COL13A1: variants seen among roughly 807,000 people sequenced by gnomAD.
COL13A1 encodes collagen type XIII alpha 1 chain.
A neutral mutation model predicts 130.9 loss-of-function variants in COL13A1; 89 were observed. The observed-to-expected ratio is 0.68, with a 90% CI of 0.57 to 0.81. The LOEUF (loss-of-function observed/expected upper bound fraction) is 0.81. Ranked by LOEUF, COL13A1 falls within the 30% of genes least tolerant of loss-of-function variation. COL13A1 has a pLI of 0.00. For missense variants in COL13A1, 879 were observed against 934.6 expected, an observed-to-expected ratio of 0.94 and a Z score of 0.78; for synonymous variants, 402 against 341.6, an observed-to-expected ratio of 1.18 and a Z score of -1.95.
At chr10:69,902,436 G>A (rs1055181503) in intron 14 of COL13A1, among the ~76,000 whole-genome samples, 1 of 152,144 alleles carries the variant, frequency 6.6e-6, no homozygotes, top group African/African-American at 2.4e-5. Context: ...GCCTTTGGTT[G>A]GGCCAGGGGC....
At chr10:69,877,856 G>A (rs1213239335) in intron 5 of COL13A1, among the ~76,000 whole-genome samples, 183 bp from the exon 6 acceptor site, 1 of 152,108 alleles carries the variant, frequency 6.6e-6, no homozygotes, top group Non-Finnish European at 1.5e-5. Context: ...GTGCTTGTTG[G>A]ACGTGGACCT....
intron 2 of COL13A1, among the ~76,000 whole-genome samples, chr10:69,830,089 A>G (rs144408160): frequency 1.4e-3 from 219 of 152,336 alleles, no homozygotes; most frequent in African/African-American, 4.8e-3. Flanking sequence ...CAGACCTTGA[A>G]GGACTCTGAG....
intron 3 of COL13A1, among the ~76,000 whole-genome samples, chr10:69,870,387 A>G (rs1467504288): frequency 1.3e-5 from 2 of 151,682 alleles, no homozygotes; most frequent in African/African-American, 4.8e-5. Flanking sequence ...ATCAAAGCTC[A>G]CTGAAGCCTC....
intron 2 of COL13A1, among the ~76,000 whole-genome samples, chr10:69,836,893 G>GTGGA (rs1850221355): frequency 6.6e-6 from 1 of 151,948 alleles, no homozygotes; most frequent in Non-Finnish European, 1.5e-5. Context: ...GGGGGTATAA[G>GTGGA]TGGATGCCAG....
intron 1 of COL13A1, among the ~76,000 whole-genome samples, chr10:69,813,566 G>T (rs1462325931): frequency 1.3e-5 from 2 of 152,140 alleles, no homozygotes; most frequent in African/African-American, 2.4e-5. Context: ...GTGATCAGGT[G>T]CCAAGTCCAC....
In COL13A1 at chr10:69,854,660, T is replaced by C. The variant is rs548874597; in HGVS notation, c.365-13138T>C. ...ATGAAAATTCTTTCACTTGCAGTTG[T>C]ACTGAGACCTGCCAAGGATGCCAAG... On this transcript the variant is annotated intron_variant, in intron 2 of 40. Coordinates refer to ENST00000645393, the MANE Select transcript of COL13A1 (RefSeq NM_001368882.1). Among the ~76,000 whole-genome samples, 7 of 152,158 alleles carry C rather than the reference T, an allele frequency of 4.6e-5. No homozygotes were observed. In the East Asian group the frequency reaches 1.4e-3, roughly 29 times the overall value.
At chr10:69,817,920 A>T (rs1845019155) in intron 1 of COL13A1, among the ~76,000 whole-genome samples, 1 of 151,864 alleles carries the variant, frequency 6.6e-6, no homozygotes. Context: ...GAGATTTAAT[A>T]CTCTTTCAAA....
At chr10:69,927,369 C>A (rs1179157550) in intron 27 of COL13A1, among the ~76,000 whole-genome samples, 1 of 152,178 alleles carries the variant, frequency 6.6e-6, no homozygotes, top group African/African-American at 2.4e-5. Flanking sequence ...TACAGCTGTG[C>A]TCTCTGGTGA....
At chr10:69,902,644 G>A (rs956009266) in intron 14 of COL13A1, 104 bp from the exon 15 acceptor site, 30 of 889,836 alleles carry the variant, frequency 3.4e-5, no homozygotes, top group African/African-American at 1.1e-4. Context: ...ACTCCTTCCC[G>A]GCAGAAATCA....
chr10:69,955,291 G>A (rs2070431082), intron 39 of COL13A1: 1 of 152,332 alleles, frequency 6.6e-6, no homozygotes, highest in African/African-American at 2.4e-5. Context: ...GTCCCTGCTG[G>A]TCCTGCCAAA....
chr10:69,829,189 C>T (rs1255786848), intron 2 of COL13A1: 1 of 978,838 alleles, frequency 1.0e-6, no homozygotes, highest in East Asian at 1.1e-4. Context: ...TCATTCATCC[C>T]ACTCTGTCAA....
rs1383604225 is a variant in COL13A1, at chr10:69,902,841, C to A, written c.844C>A (p.Pro282Thr). 6.5e-7 allele frequency: 1 copy of A among 1,536,756 alleles called. No homozygotes were observed. The highest frequency in any genetic ancestry group is 1.2e-5 in the South Asian group (1 of 82,316). Residue 282 changes from proline (P) to threonine (T), a missense_variant, in exon 15 of 41, where the codon CCT (proline) becomes ACT (threonine). Transcript: ENST00000645393. ...TCTGGGGCACCCAGGACTGCCAGGG[C>A]CTATGGGGCCACCTGTAAGTATTCC... ...GPLGHPGLPGPMGPPGLPGPP... is the reference protein window; with the variant it reads ...GPLGHPGLPGTMGPPGLPGPP...
At chr10:69,810,376 G>GACACAGAGAC (rs1554863534) in intron 1 of COL13A1, among the ~76,000 whole-genome samples, 2 of 133,820 alleles carry the variant, frequency 1.5e-5, no homozygotes, top group Admixed American at 8.0e-5. Flanking sequence ...GAGAGAGAGA[G>GACACAGAGAC]AGAGACAGAG....
chr10:69,888,437 GT>G, intron 9 of COL13A1, 107 bp downstream of exon 9: 2 of 1,477,044 alleles, frequency 1.4e-6, no homozygotes, highest in Non-Finnish European at 1.8e-6. Flanking sequence ...AGAAAGAAAA[GT>G]CCTGGGGCTG....
intron 1 of COL13A1, among the ~76,000 whole-genome samples, chr10:69,807,652 G>C (rs1417824499): frequency 2.6e-5 from 4 of 152,210 alleles, no homozygotes; most frequent in Non-Finnish European, 5.9e-5. Flanking sequence ...ATGTGTGCTA[G>C]GGTGGGTAAC....
At chr10:69,822,298 C>T in intron 1 of COL13A1, 71 bp from the exon 2 acceptor site, 1 of 1,259,830 alleles carries the variant, frequency 7.9e-7, no homozygotes, top group Non-Finnish European at 1.1e-6. Context: ...TCCTCGTCAG[C>T]CCACAGCTGC....
chr10:69,828,635 C>G (rs1029060072), intron 2 of COL13A1, among the ~76,000 whole-genome samples: 28 of 152,288 alleles, frequency 1.8e-4, no homozygotes, highest in Admixed American at 1.6e-3. Flanking sequence ...CAGTTTCTAC[C>G]TAGTGAACTC....
At chr10:69,805,793 G>C (rs578242760) in intron 1 of COL13A1, among the ~76,000 whole-genome samples, 11 of 152,232 alleles carry the variant, frequency 7.2e-5, no homozygotes, top group African/African-American at 2.2e-4. Flanking sequence ...GCAGAGGAGA[G>C]CAATGGGTAA....
rs1355007899 is a variant in COL13A1 at position 69,932,571 on chromosome 10, A to T, written c.1695A>T (p.Gly565=). The change falls in exon 31 of 41, where the codon GGA becomes GGT. Residue 565 remains glycine, a synonymous_variant. Coordinates refer to ENST00000645393, the MANE Select transcript of COL13A1 (RefSeq NM_001368882.1). ...TTTTGTGCCCACAGGGAGAGAAAGG[A>T]GAAGCCGGGGAGAAGGGCAATCCAG... ...TGQAGSPGEK[G]EAGEKGNPGA... 1 of 1,612,188 alleles carries T rather than the reference A, an allele frequency of 6.2e-7. No homozygotes were observed. Among genetic ancestry groups the T allele is most frequent in the South Asian group, 1.1e-5 (1 of 90,894 alleles).
Sources: allele counts gnomAD v4.1 joint callset (sites outside exome capture counted in the v4.1 genomes callset), GRCh38; gene constraint gnomAD v4.1.1; transcripts MANE v1.5; gene names NCBI Gene and HGNC (gene_info 2026-07-23, HGNC 2026-07-21).